RASGRF2: variants seen among roughly 807,000 people sequenced by gnomAD.
RASGRF2 encodes the protein ras-specific guanine nucleotide-releasing factor 2.
RASGRF2 carries 76 observed loss-of-function variants against 151.0 expected under a neutral mutation model. The observed-to-expected ratio is 0.50, with a 90% CI of 0.42 to 0.61. The LOEUF (loss-of-function observed/expected upper bound fraction) is 0.61, where lower values mean the gene tolerates loss of function less well. Among genes scored for constraint, RASGRF2 ranks in the 20% least tolerant of loss-of-function variants. The probability of loss-of-function intolerance (pLI) is 0.00; values close to 1 mark genes in which losing one functional copy is unlikely to be tolerated. For synonymous variants in RASGRF2, 504 were observed against 566.5 expected, an observed-to-expected ratio of 0.89 and a Z score of 1.57; for missense variants, 1,148 against 1,564.6, an observed-to-expected ratio of 0.73 and a Z score of 4.49.
intron 17 of RASGRF2, among the ~76,000 whole-genome samples, chr5:81,158,045 T>C (rs1038354735): frequency 1.5e-4 from 23 of 152,154 alleles, no homozygotes; most frequent in Non-Finnish European, 2.9e-5. Context: ...TCTGTGGAAA[T>C]GCAAAGGACT....
intron 18 of RASGRF2, among the ~76,000 whole-genome samples, chr5:81,185,657 C>T (rs975305839): frequency 2.6e-5 from 4 of 152,150 alleles, no homozygotes; most frequent in Non-Finnish European, 4.4e-5. Context: ...GCTCCCCTTA[C>T]ACTATCATAC....
intron 1 of RASGRF2, among the ~76,000 whole-genome samples, chr5:81,002,010 G>A (rs1749097059): frequency 6.6e-6 from 1 of 152,196 alleles, no homozygotes; most frequent in African/African-American, 2.4e-5. Flanking sequence ...GAAGAGACAT[G>A]TATGTGTGAT....
At chr5:81,029,122 G>A (rs1750144452) in intron 1 of RASGRF2, among the ~76,000 whole-genome samples, 1 of 152,212 alleles carries the variant, frequency 6.6e-6, no homozygotes. Flanking sequence ...CCATTGCTGA[G>A]GCTTGAGTAG....
In RASGRF2 at chr5:81,113,442, G is replaced by A. The variant is rs923062645; in HGVS notation, c.2088-96G>A. 3 of 1,373,838 alleles carry A rather than the reference G, an allele frequency of 2.2e-6. No homozygotes were observed. The African/African-American group carries it at 4.4e-5, about 20-fold the overall frequency. The allele number at this position is 1,373,838 out of a possible 1,614,324, so 85.1% of individuals were successfully genotyped here. ...CCAGCAATAGAAGTGCAATGAGATT[G>A]TGACCTATAAATGAAGGGAACATGT... On this transcript the variant is annotated intron_variant, in intron 14 of 26. Transcript: ENST00000265080.
intron 7 of RASGRF2, 113 bp downstream of exon 7, chr5:81,080,902 G>T: frequency 1.1e-6 from 1 of 929,618 alleles, no homozygotes; most frequent in Non-Finnish European, 1.6e-6. Context: ...TTATGGCACA[G>T]ATGTACCATC....
At chr5:81,043,661 C>T (rs1235212239) in intron 2 of RASGRF2, among the ~76,000 whole-genome samples, 1 of 152,170 alleles carries the variant, frequency 6.6e-6, no homozygotes, top group Non-Finnish European at 1.5e-5. Context: ...TTTTGTTTCC[C>T]ATGGCTCTCA....
At chr5:81,043,910 A>G (rs1021672557) in intron 2 of RASGRF2, among the ~76,000 whole-genome samples, 2 of 152,200 alleles carry the variant, frequency 1.3e-5, no homozygotes, top group African/African-American at 2.4e-5. Flanking sequence ...AAATGGCTGC[A>G]GCACTTGCAT....
chr5:81,087,095 G>A (rs751181137), intron 9 of RASGRF2, 142 bp downstream of exon 9: 7 of 772,136 alleles, frequency 9.1e-6, no homozygotes, highest in Non-Finnish European at 1.6e-5. Flanking sequence ...CGAGGCGGTG[G>A]TTGAGGCCCA....
At chr5:81,211,911 A>C (rs1198652849) in intron 22 of RASGRF2, among the ~76,000 whole-genome samples, 1 of 152,162 alleles carries the variant, frequency 6.6e-6, no homozygotes, top group African/African-American at 2.4e-5. Flanking sequence ...AACTGGGGGC[A>C]AGTGTTTTTT....
At chr5:81,202,740 G>A (rs140269540) in intron 19 of RASGRF2, among the ~76,000 whole-genome samples, 25 of 152,362 alleles carry the variant, frequency 1.6e-4, no homozygotes, top group Non-Finnish European at 2.6e-4. Flanking sequence ...TTTGATTGGT[G>A]TCCTTATAAG....
chr5:81,173,333 G>A (rs947458614), intron 17 of RASGRF2, among the ~76,000 whole-genome samples: 2 of 152,112 alleles, frequency 1.3e-5, no homozygotes, highest in Admixed American at 6.5e-5. Context: ...AGCCAAGATC[G>A]TGCCATTGCA....
intron 17 of RASGRF2, among the ~76,000 whole-genome samples, chr5:81,143,248 G>A (rs1401372973): frequency 1.3e-5 from 2 of 151,856 alleles, no homozygotes; most frequent in African/African-American, 4.8e-5. Flanking sequence ...TCCTGAGTCA[G>A]GCGATTCTCC....
At chr5:81,154,964 A>C (rs867389183) in intron 17 of RASGRF2, among the ~76,000 whole-genome samples, 2 of 152,218 alleles carry the variant, frequency 1.3e-5, no homozygotes, top group South Asian at 4.1e-4. Context: ...TGTCTTTTTG[A>C]TAATAGCCAT....
At chr5:80,972,791 C>T (rs561509970) in intron 1 of RASGRF2, among the ~76,000 whole-genome samples, 4 of 152,278 alleles carry the variant, frequency 2.6e-5, no homozygotes, top group African/African-American at 4.8e-5. Context: ...TTCTCTGTTT[C>T]GAAGTGCTTG....
chr5:81,225,640 G>C, intron 26 of RASGRF2, 38 bp from the exon 27 acceptor site: 1 of 1,606,972 alleles, frequency 6.2e-7, no homozygotes, highest in Non-Finnish European at 8.5e-7. Context: ...ACTGGTGTCT[G>C]AAAGAGGTAA....
intron 23 of RASGRF2, among the ~76,000 whole-genome samples, chr5:81,215,452 A>G (rs781152921): frequency 2.7e-4 from 41 of 151,756 alleles, no homozygotes; most frequent in African/African-American, 9.4e-4. Context: ...TGTACTTTCA[A>G]TAGAGATGGG....
intron 2 of RASGRF2, among the ~76,000 whole-genome samples, chr5:81,056,788 G>C (rs1003294200): frequency 4.6e-5 from 7 of 152,098 alleles, no homozygotes; most frequent in Non-Finnish European, 8.8e-5. Context: ...TCTCTAAGGA[G>C]TTGCTTTATG....
At chr5:81,039,425 A>T (rs1249612002) in intron 1 of RASGRF2, among the ~76,000 whole-genome samples, 2 of 152,192 alleles carry the variant, frequency 1.3e-5, no homozygotes, top group Non-Finnish European at 2.9e-5. Context: ...CTATATCAAT[A>T]AAATATTTAA....
At chr5:81,224,304 A>G (rs2112757099) in intron 26 of RASGRF2, among the ~76,000 whole-genome samples, 1 of 152,372 alleles carries the variant, frequency 6.6e-6, no homozygotes, top group African/African-American at 2.4e-5. Context: ...AATATCAAAC[A>G]TTGCTTAGGG....
Sources: gnomAD v4.1 joint callset for allele counts (sites outside exome capture counted in the v4.1 genomes callset) on GRCh38, gnomAD v4.1.1 for gene constraint, MANE v1.5 for transcripts, NCBI Gene and HGNC (gene_info 2026-07-23, HGNC 2026-07-21) for gene names.